Variants in ZFP90 observed in about 807,000 individuals in gnomAD.
The protein encoded by ZFP90 is ZFP90 zinc finger protein.
In ZFP90, 38 loss-of-function variants were observed where a neutral mutation model predicts 60.8. That is an observed-to-expected ratio of 0.62 (90% CI 0.48 to 0.82). ZFP90 has a LOEUF of 0.82. Ranked by LOEUF, ZFP90 falls within the 40% of genes least tolerant of loss-of-function variation. The pLI is 0.00. For synonymous variants in ZFP90, 287 were observed against 264.8 expected (o/e 1.08, Z -0.82); for missense variants, 711 against 759.1 (o/e 0.94, Z 0.74).
downstream of ZFP90, among the ~76,000 whole-genome samples, chr16:68,567,313 T>G (rs554967779): frequency 6.6e-6 from 1 of 152,348 alleles, no homozygotes; most frequent in South Asian, 2.1e-4. Flanking sequence ...ATTCAATCCT[T>G]ATAACTTCTG....
Position 68,565,520 on chromosome 16 carries a change from G to A in ZFP90, c.*822G>A, listed in dbSNP as rs1342463717. 1.0e-6 allele frequency: 1 copy of A among 985,560 alleles called. No individual in the cohort carries two copies. The highest frequency in any genetic ancestry group is 1.7e-5 in the African/African-American group (1 of 57,336). 61.1% of individuals were successfully genotyped at this position (985,560 alleles called of 1,614,324 possible). On this transcript the variant is annotated 3_prime_UTR_variant, in exon 5 of 5. Coordinates refer to ENST00000563169, the MANE Select transcript of ZFP90 (RefSeq NM_001305203.2). The stretch of plus-strand genomic sequence containing the variant: ...CACAATTTAACAGAAACTGTAGATG[G>A]TTGAACTACTAGTGACTTTTTTCCC...
chr16:68,548,967 G>GT (rs910051694), intron 2 of ZFP90, among the ~76,000 whole-genome samples: 17 of 151,402 alleles, frequency 1.1e-4, no homozygotes, highest in Non-Finnish European at 2.2e-4. Flanking sequence ...TAACCCATGT[G>GT]TTTTTTTTTA....
chr16:68,562,333 A>G (rs1330151867), intron 4 of ZFP90: 1 of 152,292 alleles, frequency 6.6e-6, no homozygotes, highest in African/African-American at 2.4e-5. Flanking sequence ...AACCCTAAAA[A>G]TCAATTTGCT....
rs1393559273 is a variant in ZFP90, at chr16:68,566,961, C to T, written c.*2263C>T. ...ACCACTCTGAAACTCAGCACATCTTCATTGACAGGGAGGGAGCCCAGGACA... is the reference window on the plus strand; with the variant it reads ...ACCACTCTGAAACTCAGCACATCTTTATTGACAGGGAGGGAGCCCAGGACA... On this transcript the variant is annotated 3_prime_UTR_variant, in exon 5 of 5. Coordinates refer to ENST00000563169, the MANE Select transcript of ZFP90 (RefSeq NM_001305203.2). 8 of 985,498 alleles carry T rather than the reference C, an allele frequency of 8.1e-6. No homozygotes were observed. Among genetic ancestry groups the T allele is most frequent in the Non-Finnish European group, 9.6e-6 (8 of 829,974 alleles). 61.0% of individuals were successfully genotyped at this position (985,498 alleles called of 1,614,324 possible).
At position 68,565,038 on chromosome 16, in the gene ZFP90, A is replaced by C; in HGVS notation, c.*340A>C. Reference sequence around the variant, plus strand: ...ATGTCAACAGCTTTTTTAAAAAGCAAATTCCTGCAGTAATGACCAAAACCC... The same window carrying C: ...ATGTCAACAGCTTTTTTAAAAAGCACATTCCTGCAGTAATGACCAAAACCC... On this transcript the variant is annotated 3_prime_UTR_variant, in exon 5 of 5. Coordinates refer to ENST00000563169, the MANE Select transcript of ZFP90 (RefSeq NM_001305203.2). The C allele has an allele frequency of 9.8e-7, 1 of 1,018,258 alleles. No homozygotes were observed. The highest frequency in any genetic ancestry group is 1.2e-6 in the Non-Finnish European group (1 of 851,796). 63.1% of individuals were successfully genotyped at this position (1,018,258 alleles called of 1,614,324 possible). A position where few individuals can be genotyped will look rare whatever the true frequency, so the allele number is the denominator to read the frequency against.
chr16:68,565,732 G>GTA lies in ZFP90; in HGVS notation c.*1035_*1036insAT. 1.1e-6 allele frequency: 1 copy of GTA among 890,156 alleles called. No homozygotes were observed. The highest frequency in any genetic ancestry group is 1.3e-6 in the Non-Finnish European group (1 of 785,230). The allele number at this position is 890,156 out of a possible 1,614,324, so 55.1% of individuals were successfully genotyped here. On this transcript the variant is annotated 3_prime_UTR_variant, in exon 5 of 5. Transcript: ENST00000563169. ...TTCCCGTTAATTTTCTTGCAGAAAA[G>GTA]TTAAGTCTAATTGCCCATTGCCATA... is the stretch of plus-strand genomic sequence containing the variant.
intron 2 of ZFP90, among the ~76,000 whole-genome samples, chr16:68,554,713 A>G (rs1308125138): frequency 2.0e-5 from 3 of 152,074 alleles, no homozygotes; most frequent in Non-Finnish European, 4.4e-5. Flanking sequence ...GCACTTTAGG[A>G]GGCCGAGGTG....
At chr16:68,557,875 T>A (rs2091370878) in intron 2 of ZFP90, 123 bp from the exon 3 acceptor site, 11 of 1,316,052 alleles carry the variant, frequency 8.4e-6, no homozygotes, top group Non-Finnish European at 1.1e-5. Flanking sequence ...TAACCCAACA[T>A]TGCCTCCTCA....
At chr16:68,562,289 C>G (rs1419910538) in intron 4 of ZFP90, 3 of 152,248 alleles carry the variant, frequency 2.0e-5, no homozygotes, top group African/African-American at 7.2e-5. Flanking sequence ...CCAAAAAGCT[C>G]TCTGCCCTTA....
At chr16:68,539,852 G>T (rs767144591) in intron 2 of ZFP90, 27 bp downstream of exon 2, 1 of 1,603,692 alleles carries the variant, frequency 6.2e-7, no homozygotes, top group African/African-American at 1.3e-5. Flanking sequence ...TAACCTCCTG[G>T]GCATCCCATC....
chr16:68,541,668 G>C (rs2091052664), intron 2 of ZFP90, among the ~76,000 whole-genome samples: 1 of 152,054 alleles, frequency 6.6e-6, no homozygotes, highest in African/African-American at 2.4e-5. Context: ...TAAGGAGTAA[G>C]ACACCTGCCA....
chr16:68,535,159 T>G (rs1429763451), upstream of ZFP90, among the ~76,000 whole-genome samples: 6 of 152,178 alleles, frequency 3.9e-5, no homozygotes, highest in Admixed American at 3.9e-4. Flanking sequence ...GGATTTATGT[T>G]TGATTCTGCC....
At chr16:68,557,483 T>C (rs11859322) in intron 2 of ZFP90, among the ~76,000 whole-genome samples, 28,295 of 151,952 alleles carry the variant, frequency 0.19, 2,984 homozygotes, top group African/African-American at 0.28. Flanking sequence ...TGTAGAACAA[T>C]ATGTATGGTA....
chr16:68,557,668 C>T (rs541462903), intron 2 of ZFP90, among the ~76,000 whole-genome samples: 1 of 151,044 alleles, frequency 6.6e-6, no homozygotes, highest in South Asian at 2.1e-4. Context: ...TTTTTACTAC[C>T]CACTGTATTT....
Position 68,565,639 on chromosome 16 carries a change from A to C in ZFP90, c.*941A>C, listed in dbSNP as rs1345709042. 1.0e-6 allele frequency: 1 copy of C among 985,480 alleles called. No individual in the cohort carries two copies. Among genetic ancestry groups the C allele is most frequent in the Non-Finnish European group, 1.2e-6 (1 of 829,948 alleles). 61.0% of individuals were successfully genotyped at this position (985,480 alleles called of 1,614,324 possible). A position where few individuals can be genotyped will look rare whatever the true frequency, so the allele number is the denominator to read the frequency against. ...TTGTACTTTTTATGGCATGCCCATG[A>C]AAAAGCACTTTCTTAAGCCTACAGT... On this transcript the variant is annotated 3_prime_UTR_variant, in exon 5 of 5. Coordinates refer to ENST00000563169, the MANE Select transcript of ZFP90 (RefSeq NM_001305203.2).
chr16:68,569,284 G>T (rs1441569372), downstream of ZFP90, among the ~76,000 whole-genome samples: 1 of 151,860 alleles, frequency 6.6e-6, no homozygotes, highest in Non-Finnish European at 1.5e-5. Context: ...CTACAGGCAC[G>T]TACCACCATG....
At chr16:68,542,988 CAA>C (rs1395873921) in intron 2 of ZFP90, among the ~76,000 whole-genome samples, 13 of 151,772 alleles carry the variant, frequency 8.6e-5, no homozygotes, top group Non-Finnish European at 4.4e-5. Context: ...AGTAGTATCT[CAA>C]GAGGGAAAAA....
chr16:68,546,618 C>T (rs1409049503), intron 2 of ZFP90, among the ~76,000 whole-genome samples: 2 of 152,160 alleles, frequency 1.3e-5, no homozygotes. Context: ...TGGGTTCAGG[C>T]GGTTCTGTCT....
chr16:68,543,226 G>A (rs1302182208), intron 2 of ZFP90, among the ~76,000 whole-genome samples: 1 of 152,168 alleles, frequency 6.6e-6, no homozygotes, highest in Admixed American at 6.5e-5. Flanking sequence ...GCAGCAAAGA[G>A]GCCAGTGTAG....
Sources: gnomAD v4.1 joint callset for allele counts (sites outside exome capture counted in the v4.1 genomes callset) on GRCh38, gnomAD v4.1.1 for gene constraint, MANE v1.5 for transcripts, NCBI Gene and HGNC (gene_info 2026-07-23, HGNC 2026-07-21) for gene names.